Variants in LRRFIP2 observed in about 807,000 individuals in gnomAD.
LRRFIP2 encodes leucine-rich repeat flightless-interacting protein 2.
LRRFIP2 carries 109 observed loss-of-function variants against 125.9 expected under a neutral mutation model. The ratio of observed to expected loss-of-function variants is 0.87; its 90% confidence interval spans 0.74 to 1.01. The LOEUF (loss-of-function observed/expected upper bound fraction) is 1.01, where lower values mean the gene tolerates loss of function less well. Among genes scored for constraint, LRRFIP2 ranks in the 50% least tolerant of loss-of-function variants. LRRFIP2 has a pLI of 0.00. For synonymous variants in LRRFIP2, 291 were observed against 293.1 expected (o/e 0.99, Z 0.07); for missense variants, 850 against 862.3 (o/e 0.99, Z 0.18).
chr3:37,054,347 T>G (rs1559617060), intron 27 of LRRFIP2, 64 bp downstream of exon 27: 1 of 1,331,104 alleles, frequency 7.5e-7, no homozygotes. Context: ...CAGCTAAGAA[T>G]TATTTCCAGA....
At chr3:37,125,572 T>G (rs1230345211) in intron 4 of LRRFIP2, among the ~76,000 whole-genome samples, 1 of 152,232 alleles carries the variant, frequency 6.6e-6, no homozygotes, top group Non-Finnish European at 1.5e-5. Context: ...ACAGTAATAC[T>G]GTCTTATAAT....
chr3:37,141,731 G>C (rs1433333750), intron 2 of LRRFIP2, among the ~76,000 whole-genome samples: 1 of 152,182 alleles, frequency 6.6e-6, no homozygotes, highest in African/African-American at 2.4e-5. Context: ...CGGAGTCAAA[G>C]CAAATGCAGA....
In LRRFIP2 at chr3:37,063,840, C is replaced by T. The variant is rs373052971; in HGVS notation, c.1700-49G>A. 10 of 1,395,940 alleles carry T rather than the reference C, an allele frequency of 7.2e-6. No homozygotes were observed. The African/African-American group carries it at 8.6e-5, about 12-fold the overall frequency. 86.5% of individuals were successfully genotyped at this position (1,395,940 alleles called of 1,614,324 possible). A position where few individuals can be genotyped will look rare whatever the true frequency, so the allele number is the denominator to read the frequency against. ...AAACTAAATATGTGATGATATAGTA[C>T]ATAAACAATTAAAAATTTTTCAAAC... On this transcript the variant is annotated intron_variant, in intron 23 of 27. Transcript: ENST00000336686.
chr3:37,134,694 T>G, intron 2 of LRRFIP2: 1 of 736,214 alleles, frequency 1.4e-6, no homozygotes. Context: ...ACTTAGTGAT[T>G]TGGCCCATGA....
intron 4 of LRRFIP2, 81 bp from the exon 5 acceptor site, chr3:37,121,772 G>A: frequency 7.3e-7 from 1 of 1,366,514 alleles, no homozygotes; most frequent in East Asian, 2.3e-5. Context: ...AGAGCAGTCA[G>A]TTAACAGCAC....
intron 4 of LRRFIP2, 146 bp downstream of exon 4, chr3:37,127,484 C>G (rs2095313593): frequency 1.3e-6 from 1 of 745,436 alleles, no homozygotes; most frequent in South Asian, 1.6e-5. Flanking sequence ...ACCTCTGGTC[C>G]ACTATAGACA....
At chr3:37,115,029 T>C (rs1231036435) in intron 7 of LRRFIP2, 25 bp downstream of exon 7, 2 of 1,565,108 alleles carry the variant, frequency 1.3e-6, no homozygotes, top group East Asian at 2.3e-5. Flanking sequence ...ATTCCACATA[T>C]AACACAAAGT....
At chr3:37,155,810 G>A (rs2096170505) in intron 1 of LRRFIP2, among the ~76,000 whole-genome samples, 1 of 152,144 alleles carries the variant, frequency 6.6e-6, no homozygotes, top group Non-Finnish European at 1.5e-5. Context: ...ATAAAATGAT[G>A]AAATCCAGAT....
At chr3:37,132,862 T>C (rs2095462634) in intron 2 of LRRFIP2, among the ~76,000 whole-genome samples, 1 of 152,228 alleles carries the variant, frequency 6.6e-6, no homozygotes, top group Non-Finnish European at 1.5e-5. Context: ...CAGATTCATT[T>C]TAATATACAC....
chr3:37,071,668 CAA>C (rs2091206808), intron 21 of LRRFIP2, among the ~76,000 whole-genome samples: 1 of 152,178 alleles, frequency 6.6e-6, no homozygotes, highest in Admixed American at 6.5e-5. Flanking sequence ...GCCTGTCTCT[CAA>C]GAGATGTTCT....
Position 37,129,066 on chromosome 3 carries a change from T to C in LRRFIP2, c.174A>G (p.Lys58=). 3.7e-6 allele frequency: 6 copies of C among 1,614,020 alleles called. No individual in the cohort carries two copies. The highest frequency in any genetic ancestry group is 5.1e-6 in the Non-Finnish European group (6 of 1,179,874). The change falls in exon 3 of 28, where the codon AAA becomes AAG. Residue 58 remains lysine, a synonymous_variant. Transcript: ENST00000336686. The part of the protein sequence containing the change: ...IRMRELERQQ[K]EYSLHSFDRK... ...TAGGGTTATTCCCTCAAATTACCTCTTTTTGTTGTCGTTCCAGTTCTCTCA... is the reference window on the plus strand; with the variant it reads ...TAGGGTTATTCCCTCAAATTACCTCCTTTTGTTGTCGTTCCAGTTCTCTCA...
chr3:37,151,321 T>C (rs912812059), intron 1 of LRRFIP2, among the ~76,000 whole-genome samples: 1 of 151,300 alleles, frequency 6.6e-6, no homozygotes, highest in Non-Finnish European at 1.5e-5. Context: ...ATCGTGCCAC[T>C]GCACTCCAAC....
At position 37,094,029 on chromosome 3, in the gene LRRFIP2, C is replaced by T. The variant is rs952664530; in HGVS notation, c.1035+763G>A. On this transcript the variant is annotated intron_variant, in intron 17 of 27. Coordinates refer to ENST00000336686, the MANE Select transcript of LRRFIP2 (RefSeq NM_006309.4). ...ATGATGCTTTCTTGAATTACCTTAA[C>T]AGCCCCATTCTTGCTACTACCATTG... Among the ~76,000 whole-genome samples, 6 of 152,154 alleles carry T rather than the reference C, an allele frequency of 3.9e-5. No individual in the cohort carries two copies. The South Asian group carries it at 8.3e-4, about 21-fold the overall frequency.
At chr3:37,075,561 A>G (rs2091905949) in intron 19 of LRRFIP2, among the ~76,000 whole-genome samples, 1 of 152,150 alleles carries the variant, frequency 6.6e-6, no homozygotes. Context: ...GAGAAATAGG[A>G]TTGAATAAAT....
chr3:37,073,638 T>C (rs2091619589), intron 20 of LRRFIP2, among the ~76,000 whole-genome samples: 1 of 152,176 alleles, frequency 6.6e-6, no homozygotes, highest in Admixed American at 6.5e-5. Context: ...AGATGTTCAT[T>C]CTAGATGTAA....
chr3:37,167,874 C>T (rs1295875236), intron 1 of LRRFIP2, among the ~76,000 whole-genome samples: 2 of 152,040 alleles, frequency 1.3e-5, no homozygotes, highest in African/African-American at 4.8e-5. Context: ...ACTCGAGAGA[C>T]TGAGGTGGGA....
At chr3:37,116,729 C>A (rs963412602) in intron 6 of LRRFIP2, among the ~76,000 whole-genome samples, 11 of 152,000 alleles carry the variant, frequency 7.2e-5, no homozygotes, top group South Asian at 4.1e-4. Flanking sequence ...CAGAATAAAG[C>A]CCTTCCATTC....
chr3:37,101,365 A>G (rs2094034144), intron 15 of LRRFIP2, among the ~76,000 whole-genome samples: 1 of 151,706 alleles, frequency 6.6e-6, no homozygotes. Flanking sequence ...TCAAAAAAAA[A>G]AAAAAGAAAG....
chr3:37,166,243 T>C (rs908739111), intron 1 of LRRFIP2, among the ~76,000 whole-genome samples: 2 of 152,034 alleles, frequency 1.3e-5, no homozygotes, highest in African/African-American at 4.8e-5. Context: ...GGCAGGAGAA[T>C]AGCTTGAACC....
Sources: allele counts gnomAD v4.1 joint callset (sites outside exome capture counted in the v4.1 genomes callset), GRCh38; gene constraint gnomAD v4.1.1; transcripts MANE v1.5; gene names NCBI Gene and HGNC (gene_info 2026-07-23, HGNC 2026-07-21).